The following PCDHA5 variants were observed in gnomAD, a reference collection of about 807,000 sequenced individuals.
PCDHA5 encodes the protein protocadherin alpha 5, also known as protocadherin alpha-5.
In PCDHA5, 43 loss-of-function variants were observed where a neutral mutation model predicts 61.6. The ratio of observed to expected loss-of-function variants is 0.70; its 90% CI spans 0.55 to 0.90. The LOEUF (loss-of-function observed/expected upper bound fraction) is 0.90. Ranked by LOEUF, PCDHA5 falls within the 40% of genes least tolerant of loss-of-function variation. PCDHA5 has a pLI of 0.00. For missense variants in PCDHA5, 1,298 were observed against 1,222.7 expected (o/e 1.06, Z -0.92); for synonymous variants, 627 against 543.9 (o/e 1.15, Z -2.13).
chr5:140,861,578 C>A (rs1425852721), intron 1 of PCDHA5: 2 of 361,296 alleles, frequency 5.5e-6, no homozygotes, highest in Non-Finnish European at 1.1e-5. Flanking sequence ...TACAGGTTTT[C>A]CATGTGGAGG....
At chr5:140,857,985 T>C (rs1554150982) in intron 1 of PCDHA5, 4 of 1,596,676 alleles carry the variant, frequency 2.5e-6, no homozygotes, top group South Asian at 2.2e-5. Flanking sequence ...CGCCAGCGCC[T>C]ACTGGTGCTG....
chr5:140,873,461 T>A (rs2054305243), intron 1 of PCDHA5, among the ~76,000 whole-genome samples: 1 of 152,224 alleles, frequency 6.6e-6, no homozygotes, highest in Admixed American at 6.5e-5. Context: ...GCATTTTAGA[T>A]AATTCAAATT....
At chr5:140,886,253 T>G (rs2060912572) in intron 1 of PCDHA5, among the ~76,000 whole-genome samples, 1 of 152,034 alleles carries the variant, frequency 6.6e-6, no homozygotes, top group African/African-American at 2.4e-5. Context: ...TAAAAGTATC[T>G]CTATTTATAG....
At chr5:140,882,087 C>A in intron 1 of PCDHA5, 2 of 1,081,718 alleles carry the variant, frequency 1.8e-6, no homozygotes, top group Non-Finnish European at 2.6e-6. Flanking sequence ...TCGCTCTTCA[C>A]TGAGAACGTT....
chr5:140,829,741 G>T (rs1770531825), intron 1 of PCDHA5: 4 of 1,613,668 alleles, frequency 2.5e-6, no homozygotes, highest in Non-Finnish European at 3.4e-6. Context: ...GCAACGTGAC[G>T]CTGCAGGTGT....
chr5:140,896,748 A>T (rs1554187100), intron 1 of PCDHA5, among the ~76,000 whole-genome samples: 1 of 151,856 alleles, frequency 6.6e-6, no homozygotes, highest in African/African-American at 2.4e-5. Context: ...TAGATTCTGG[A>T]TATTAGACCT....
chr5:140,882,451 G>T (rs2059142751), intron 1 of PCDHA5: 4 of 1,613,922 alleles, frequency 2.5e-6, no homozygotes, highest in African/African-American at 1.3e-5. Flanking sequence ...AGCTGGTGCC[G>T]CGCCTGTTCC....
chr5:140,862,460 A>G (rs1554156366), intron 1 of PCDHA5: 2 of 368,076 alleles, frequency 5.4e-6, no homozygotes, highest in African/African-American at 2.1e-5. Context: ...CCCTGGACCA[A>G]GAGAGCAAAT....
chr5:140,979,157 A>G (rs2096837413), intron 2 of PCDHA5, 150 bp downstream of exon 2: 9 of 1,429,186 alleles, frequency 6.3e-6, no homozygotes, highest in Non-Finnish European at 8.3e-6. Context: ...CCCCATGTTT[A>G]TTCCTTGAAA....
intron 1 of PCDHA5, chr5:140,836,371 C>T: frequency 6.2e-7 from 1 of 1,613,708 alleles, no homozygotes. Context: ...ACAGCCACAG[C>T]CACCGTGCTG....
At chr5:140,839,704 A>G (rs1229800703) in intron 1 of PCDHA5, among the ~76,000 whole-genome samples, 4 of 152,070 alleles carry the variant, frequency 2.6e-5, no homozygotes, top group Admixed American at 6.6e-5. Context: ...AAATAATGTG[A>G]TGACAAATTT....
At chr5:140,902,540 C>T (rs2069538388) in intron 1 of PCDHA5, among the ~76,000 whole-genome samples, 1 of 151,900 alleles carries the variant, frequency 6.6e-6, no homozygotes, top group South Asian at 2.1e-4. Context: ...GAGGTATGTT[C>T]CTTCTATACC....
chr5:140,853,709 T>C lies in PCDHA5; in HGVS notation c.2352+29582T>C, dbSNP rs1554146825. 2.0e-6 allele frequency: 2 copies of C among 988,258 alleles called. 1 individual carries two copies. The highest frequency in any genetic ancestry group is 2.4e-6 in the Non-Finnish European group (2 of 820,296). The allele number at this position is 988,258 out of a possible 1,614,324, so 61.2% of individuals were successfully genotyped here. A position where few individuals can be genotyped will look rare whatever the true frequency, so the allele number is the denominator to read the frequency against. On this transcript the variant is annotated intron_variant, in intron 1 of 3. Transcript: ENST00000529859. ...CCTTAGACCTGCTAACGCATTAGCA[T>C]TAGCAGCACCTAAGTCCTCATTGAA...
At chr5:141,000,547 A>T (rs2097946124) in intron 3 of PCDHA5, among the ~76,000 whole-genome samples, 1 of 147,246 alleles carries the variant, frequency 6.8e-6, no homozygotes, top group Non-Finnish European at 1.5e-5. Context: ...CATGCCTCAA[A>T]CTCCCGAGTA....
At chr5:140,852,863 G>A (rs945338680) in intron 1 of PCDHA5, 4 of 958,208 alleles carry the variant, frequency 4.2e-6, no homozygotes, top group Non-Finnish European at 3.8e-6. Flanking sequence ...CATTTACTAT[G>A]TCATCAATAA....
intron 3 of PCDHA5, among the ~76,000 whole-genome samples, chr5:140,989,660 G>T (rs1369597923): frequency 6.6e-6 from 1 of 152,180 alleles, no homozygotes; most frequent in Non-Finnish European, 1.5e-5. Context: ...TATTTTAAAA[G>T]AAACTCTGCC....
intron 1 of PCDHA5, chr5:140,858,372 C>CACATCT: frequency 6.3e-7 from 1 of 1,587,864 alleles, no homozygotes; most frequent in Non-Finnish European, 8.6e-7. Flanking sequence ...CCCAGCCTTC[C>CACATCT]ACCATGCCCA....
chr5:140,893,249 T>A (rs1317089236), intron 1 of PCDHA5, among the ~76,000 whole-genome samples: 2 of 152,220 alleles, frequency 1.3e-5, no homozygotes, highest in African/African-American at 4.8e-5. Context: ...TTTCCTTTTC[T>A]TTGGATAAAT....
chr5:140,931,578 C>T (rs2087609680), intron 1 of PCDHA5, among the ~76,000 whole-genome samples: 1 of 152,008 alleles, frequency 6.6e-6, no homozygotes, highest in South Asian at 2.1e-4. Flanking sequence ...CCCATTCATT[C>T]AGTTGAACAG....
Sources: allele counts gnomAD v4.1 joint callset (sites outside exome capture counted in the v4.1 genomes callset), GRCh38; gene constraint gnomAD v4.1.1; transcripts MANE v1.5; gene names NCBI Gene and HGNC (gene_info 2026-07-23, HGNC 2026-07-21).